FBXL17: variants seen among roughly 807,000 people sequenced by gnomAD.
The protein encoded by FBXL17 is F-box/LRR-repeat protein 17.
Under a neutral mutation model 66.2 loss-of-function variants are expected in FBXL17, and 22 were observed. That is an observed-to-expected ratio of 0.33 (90% CI 0.24 to 0.47). FBXL17 has a LOEUF of 0.47. FBXL17 is among the 20% of genes least tolerant of loss of function. The pLI is 1.00. For missense variants in FBXL17, 878 were observed against 948.2 expected (o/e 0.93, Z 0.97); for synonymous variants, 474 against 400.5 (o/e 1.18, Z -2.19).
At chr5:107,879,449 C>A (rs2112498549) in intron 8 of FBXL17, 1 of 985,466 alleles carries the variant, frequency 1.0e-6, no homozygotes, top group Non-Finnish European at 1.2e-6. Flanking sequence ...GGGAGACTCG[C>A]AAGCCCCGGA....
At chr5:108,285,924 A>G (rs1029410410) in intron 4 of FBXL17, among the ~76,000 whole-genome samples, 7 of 151,982 alleles carry the variant, frequency 4.6e-5, no homozygotes, top group African/African-American at 1.7e-4. Context: ...CCAGCAGCTT[A>G]TCAAAAAGCT....
chr5:108,072,737 C>G (rs929022490), intron 6 of FBXL17, among the ~76,000 whole-genome samples: 2 of 152,006 alleles, frequency 1.3e-5, no homozygotes, highest in African/African-American at 4.8e-5. Flanking sequence ...AGAAAATCCT[C>G]AACCATATCT....
At chr5:108,063,921 T>C (rs1484908022) in intron 6 of FBXL17, among the ~76,000 whole-genome samples, 2 of 152,150 alleles carry the variant, frequency 1.3e-5, no homozygotes, top group Non-Finnish European at 2.9e-5. Flanking sequence ...TTCTTTTTCA[T>C]ATTATCTCTT....
intron 5 of FBXL17, among the ~76,000 whole-genome samples, chr5:108,204,086 A>G (rs2150052314): frequency 6.6e-6 from 1 of 152,270 alleles, no homozygotes; most frequent in South Asian, 2.1e-4. Flanking sequence ...AACCAAACCC[A>G]TACGCAACAC....
intron 7 of FBXL17, among the ~76,000 whole-genome samples, chr5:107,959,759 G>A (rs921086439): frequency 6.6e-6 from 1 of 152,090 alleles, no homozygotes; most frequent in South Asian, 2.1e-4. Context: ...CACAGAATAG[G>A]GCTTAAAGAA....
intron 7 of FBXL17, among the ~76,000 whole-genome samples, chr5:107,989,202 T>C (rs1333797545): frequency 6.6e-6 from 1 of 152,096 alleles, no homozygotes; most frequent in Non-Finnish European, 1.5e-5. Flanking sequence ...TTAACTATAG[T>C]TGTCCTACTA....
At chr5:108,185,325 C>T (rs141891526) in intron 6 of FBXL17, among the ~76,000 whole-genome samples, 7 of 152,162 alleles carry the variant, frequency 4.6e-5, no homozygotes, top group African/African-American at 9.6e-5. Context: ...GCAGATTTAC[C>T]CCTTGCTGTT....
At chr5:108,222,719 G>T (rs1195163453) in intron 5 of FBXL17, among the ~76,000 whole-genome samples, 1 of 148,042 alleles carries the variant, frequency 6.8e-6, no homozygotes, top group Non-Finnish European at 1.5e-5. Flanking sequence ...TGTCGCCCGG[G>T]CTGGAGTGCA....
chr5:108,115,432 C>T (rs541328679), intron 6 of FBXL17, among the ~76,000 whole-genome samples: 7 of 151,780 alleles, frequency 4.6e-5, no homozygotes, highest in Admixed American at 2.0e-4. Flanking sequence ...AATTCTAGAA[C>T]GGACCTTATT....
In FBXL17 at chr5:108,008,390, A is replaced by T. The variant is rs199756219; in HGVS notation, c.1822+12535T>A. ...GGATTTCAACCAATTTCTTATGTAA[A>T]CCAGAGCAGAAGGGATGATTCTCAG... On this transcript the variant is annotated intron_variant, in intron 7 of 8. Transcript: ENST00000542267. 7.2e-5 allele frequency among the ~76,000 whole-genome samples: 11 copies of T among 152,316 alleles called. No individual in the cohort carries two copies. In the East Asian group the frequency reaches 2.1e-3, roughly 29 times the overall value.
intron 8 of FBXL17, among the ~76,000 whole-genome samples, chr5:107,877,522 G>A (rs890756959): frequency 6.6e-6 from 1 of 152,098 alleles, no homozygotes; most frequent in African/African-American, 2.4e-5. Context: ...GTAAAGTATA[G>A]CCTCCAAATT....
intron 8 of FBXL17, 90 bp downstream of exon 8, chr5:107,880,947 G>C (rs1054541050): frequency 1.2e-6 from 2 of 1,606,060 alleles, no homozygotes; most frequent in Non-Finnish European, 1.7e-6. Context: ...AATACACGGG[G>C]GTGGAGATAG....
At chr5:108,107,668 C>G (rs1255784779) in intron 6 of FBXL17, among the ~76,000 whole-genome samples, 1 of 151,756 alleles carries the variant, frequency 6.6e-6, no homozygotes, top group African/African-American at 2.4e-5. Context: ...AAAAATTAGC[C>G]AGGCATGGTG....
chr5:108,334,105 G>A (rs777816725), intron 4 of FBXL17, among the ~76,000 whole-genome samples: 10 of 152,098 alleles, frequency 6.6e-5, no homozygotes, highest in Non-Finnish European at 1.3e-4. Flanking sequence ...AAGTCAGAAT[G>A]AGTACATTTT....
chr5:108,311,826 G>A (rs1759133580), intron 4 of FBXL17, among the ~76,000 whole-genome samples: 1 of 152,176 alleles, frequency 6.6e-6, no homozygotes, highest in South Asian at 2.1e-4. Flanking sequence ...GGCTTATAAT[G>A]AACCAATGAA....
chr5:108,040,330 G>C (rs1032881143), intron 6 of FBXL17, among the ~76,000 whole-genome samples: 9 of 152,104 alleles, frequency 5.9e-5, no homozygotes, highest in African/African-American at 2.2e-4. Flanking sequence ...GCATAAATTA[G>C]CAAAACCATT....
intron 4 of FBXL17, among the ~76,000 whole-genome samples, chr5:108,345,178 C>CA (rs11413389): frequency 0.052 from 7,802 of 150,374 alleles, 680 homozygotes; most frequent in African/African-American, 0.18. Context: ...ACTAAAAATA[C>CA]AAAAAAAAAT....
At position 108,296,905 on chromosome 5, in the gene FBXL17, T is replaced by A. The variant is rs570030142; in HGVS notation, c.1506+51494A>T. On this transcript the variant is annotated intron_variant, in intron 4 of 8. Transcript: ENST00000542267. Reference sequence around the variant, plus strand: ...AATAACAAAAATGGTAATTTTTGTTTTTAATATACCTAATTCCATTGTTGC... The same window carrying A: ...AATAACAAAAATGGTAATTTTTGTTATTAATATACCTAATTCCATTGTTGC... Among the ~76,000 whole-genome samples, 47 of 151,660 alleles carry A rather than the reference T, an allele frequency of 3.1e-4. No individual in the cohort carries two copies. In the South Asian group the frequency reaches 6.9e-3, roughly 22 times the overall value.
At chr5:108,143,347 T>TCTCA (rs111363573) in intron 6 of FBXL17, among the ~76,000 whole-genome samples, 3 of 147,786 alleles carry the variant, frequency 2.0e-5, no homozygotes, top group South Asian at 2.2e-4. Flanking sequence ...AACAGCATTC[T>TCTCA]CACACACACA....
Sources: gnomAD v4.1 joint callset for allele counts (sites outside exome capture counted in the v4.1 genomes callset) on GRCh38, gnomAD v4.1.1 for gene constraint, MANE v1.5 for transcripts, NCBI Gene and HGNC (gene_info 2026-07-23, HGNC 2026-07-21) for gene names.